Variants in MACF1 observed in about 807,000 individuals in gnomAD.
MACF1 encodes microtubule actin crosslinking factor 1.
Under a neutral mutation model 854.8 loss-of-function variants are expected in MACF1, and 193 were observed. The observed-to-expected ratio is 0.23, with a 90% confidence interval of 0.20 to 0.25. MACF1 has a LOEUF of 0.25. MACF1 is among the 10% of genes least tolerant of loss of function. The pLI, the probability that MACF1 is intolerant of heterozygous loss-of-function variation, is 1.00. For missense variants in MACF1, 7,722 were observed against 8,929.1 expected (o/e 0.86, Z 5.45); for synonymous variants, 3,185 against 3,226.7 (o/e 0.99, Z 0.44).
At chr1:39,096,820 G>A (rs1641949571) in intron 2 of MACF1, among the ~76,000 whole-genome samples, 2 of 150,992 alleles carry the variant, frequency 1.3e-5, no homozygotes, top group African/African-American at 4.9e-5. Flanking sequence ...GTCCATGTCT[G>A]AGGACTGGAA....
intron 71 of MACF1, 88 bp downstream of exon 71, chr1:39,438,096 T>A (rs1644019322): frequency 8.0e-7 from 1 of 1,257,526 alleles, no homozygotes. Context: ...ATTTATTTAT[T>A]TCTTTGAATG....
chr1:39,097,735 T>A (rs11578277), intron 2 of MACF1, among the ~76,000 whole-genome samples: 11,721 of 149,652 alleles, frequency 0.078, 533 homozygotes, highest in Non-Finnish European at 0.094. Flanking sequence ...AAAAAAGAAA[T>A]TCATCAAGGG....
At chr1:39,099,176 A>G (rs1169472798) in intron 2 of MACF1, among the ~76,000 whole-genome samples, 1 of 152,114 alleles carries the variant, frequency 6.6e-6, no homozygotes, top group Non-Finnish European at 1.5e-5. Flanking sequence ...TTTTTTTGAG[A>G]TGGAGTTTTG....
At chr1:39,125,772 G>A (rs977947894) in intron 2 of MACF1, among the ~76,000 whole-genome samples, 1 of 152,024 alleles carries the variant, frequency 6.6e-6, no homozygotes, top group Non-Finnish European at 1.5e-5. Flanking sequence ...TGGGCGGATC[G>A]CCTGAGGTCA....
chr1:39,393,865 G>T lies in MACF1; in HGVS notation c.15816+5207G>T, dbSNP rs144656212. ...AGGGAGGGAGAGAGAGAGAGAGAGA[G>T]AAAGAAAGAGAGAAAGAAAAGAAAG... On this transcript the variant is annotated intron_variant, in intron 58 of 100. Transcript: ENST00000564288. 5.4e-3 allele frequency among the ~76,000 whole-genome samples: 760 copies of T among 140,398 alleles called. 5 individuals carry two copies. Among genetic ancestry groups the T allele is most frequent in the African/African-American group, 0.021 (723 of 35,082 alleles). 92.1% of individuals were successfully genotyped at this position (140,398 alleles called of 152,430 possible).
At chr1:39,271,032 A>G (rs1004449710) in intron 6 of MACF1, among the ~76,000 whole-genome samples, 2 of 152,210 alleles carry the variant, frequency 1.3e-5, no homozygotes, top group African/African-American at 4.8e-5. Flanking sequence ...GCCTCATATA[A>G]ACATGGATAT....
chr1:39,347,004 A>G lies in MACF1; in HGVS notation c.10609A>G (p.Lys3537Glu). ...TTTGAAACAGCCCATGGCTGAAAGG[A>G]AAGCTCAGCTGGATGCTCTTGCTTT... The part of the protein sequence containing the change: ...EDLKQPMAER[K>E]AQLDALAFDI... The change falls in exon 41 of 101, where the codon AAA becomes GAA. Residue 3537 changes from lysine (K) to glutamate (E), a missense_variant. Around this residue, in one of 15 missense-constraint regions of MACF1, gnomAD observed 854 missense variants for 852.6 expected, o/e 1.00. Coordinates refer to ENST00000564288, the MANE Select transcript of MACF1 (RefSeq NM_001394062.1). The G allele has an allele frequency of 6.2e-7, 1 of 1,612,702 alleles. No individual in the cohort carries two copies.
chr1:39,459,000 TA>T, intron 90 of MACF1, 85 bp from the exon 91 acceptor site: 1 of 1,178,396 alleles, frequency 8.5e-7, no homozygotes. Context: ...GATATTATTA[TA>T]AAGATCTTCT....
intron 23 of MACF1, among the ~76,000 whole-genome samples, chr1:39,306,176 T>G (rs1009274515): frequency 1.3e-5 from 2 of 151,952 alleles, no homozygotes; most frequent in African/African-American, 2.4e-5. Context: ...TTTTTTTGGT[T>G]TGAGACGGAG....
At position 39,335,728 on chromosome 1, in the gene MACF1, A is replaced by C; in HGVS notation, c.9140A>C (p.Gln3047Pro). The C allele has an allele frequency of 6.2e-7, 1 of 1,613,916 alleles. No individual in the cohort carries two copies. The change falls in exon 37 of 101, where the codon CAA (glutamine) becomes CCA (proline). Residue 3047 changes from glutamine (Q) to proline (P), a missense_variant. By Grantham distance (76) the Gln-to-Pro change is moderately conservative. Coordinates refer to ENST00000564288, the MANE Select transcript of MACF1 (RefSeq NM_001394062.1). ...ITFKIEESSSQVVPQGISVKH... is the reference protein window; with the variant it reads ...ITFKIEESSSPVVPQGISVKH... ...TTTAAAATTGAAGAGTCCTCTTCCC[A>C]AGTGGTACCTCAAGGAATTTCTGTA...
At chr1:39,461,751 C>T in intron 92 of MACF1, 132 bp from the exon 93 acceptor site, 2 of 608,224 alleles carry the variant, frequency 3.3e-6, no homozygotes, top group Non-Finnish European at 5.5e-6. Flanking sequence ...GAGATTGCAC[C>T]ACTGCACTCC....
rs1228299463 is a variant in MACF1 at position 39,417,944 on chromosome 1, T to C, written c.15817-4430T>C. Among the ~76,000 whole-genome samples, 4 of 151,942 alleles carry C rather than the reference T, an allele frequency of 2.6e-5. No homozygotes were observed. In the East Asian group the frequency reaches 7.7e-4, roughly 29 times the overall value. On this transcript the variant is annotated intron_variant, in intron 58 of 100. Coordinates refer to ENST00000564288, the MANE Select transcript of MACF1 (RefSeq NM_001394062.1). ...GCTCCTGCAGTAAATAGAATTGACA[T>C]GGTCCTTGGCCTTGTGGAACTTATA...
chr1:39,384,617 T>C (rs1000975699), intron 56 of MACF1, among the ~76,000 whole-genome samples: 3 of 152,208 alleles, frequency 2.0e-5, no homozygotes, highest in African/African-American at 4.8e-5. Flanking sequence ...AAAAAAGCCA[T>C]AGTCATTGCC....
In MACF1 at chr1:39,332,259, C is replaced by T. The variant is rs746001759; in HGVS notation, c.5671C>T (p.Leu1891=). ...SNRQHIKALF[L]PATTEILSWK... ...CCGACAGCATATTAAGGCTCTGTTT[C>T]TACCAGCAACCACAGAGATTTTGTC... Residue 1891 remains leucine (L), a synonymous_variant, in exon 37 of 101, where the codon CTA becomes TTA. Coordinates refer to ENST00000564288, the MANE Select transcript of MACF1 (RefSeq NM_001394062.1). The T allele has an allele frequency of 6.8e-6, 11 of 1,613,938 alleles. 1 individual carries two copies. In the South Asian group the frequency reaches 8.8e-5, roughly 13 times the overall value.
chr1:39,425,659 G>A (rs1464949977), intron 61 of MACF1, among the ~76,000 whole-genome samples: 1 of 151,990 alleles, frequency 6.6e-6, no homozygotes, highest in East Asian at 1.9e-4. Context: ...CTAACCCTGT[G>A]TCTTATTTTA....
At chr1:39,295,222 C>T in intron 19 of MACF1, 72 bp downstream of exon 19, 3 of 1,250,440 alleles carry the variant, frequency 2.4e-6, no homozygotes, top group Non-Finnish European at 2.3e-6. Context: ...AAATTAGAGA[C>T]TTTGTTCCAC....
At chr1:39,167,247 C>G (rs1216422228) in intron 2 of MACF1, among the ~76,000 whole-genome samples, 2 of 149,140 alleles carry the variant, frequency 1.3e-5, no homozygotes, top group African/African-American at 4.9e-5. Flanking sequence ...CAGGCTTGAG[C>G]CACCGCACAC....
chr1:39,257,198 A>G (rs181854778), intron 5 of MACF1, among the ~76,000 whole-genome samples: 1 of 152,344 alleles, frequency 6.6e-6, no homozygotes, highest in African/African-American at 2.4e-5. Flanking sequence ...AGAGTAGCAT[A>G]TCTCTATAAT....
chr1:39,133,879 A>G (rs942476919), intron 2 of MACF1, among the ~76,000 whole-genome samples: 1 of 152,108 alleles, frequency 6.6e-6, no homozygotes, highest in African/African-American at 2.4e-5. Flanking sequence ...AAAAATTCTT[A>G]CAAAATAGGG....
Sources: allele counts gnomAD v4.1 joint callset (sites outside exome capture counted in the v4.1 genomes callset), GRCh38; gene constraint gnomAD v4.1.1; regional missense constraint gnomAD v4.1.1; transcripts MANE v1.5; gene names NCBI Gene and HGNC (gene_info 2026-07-23, HGNC 2026-07-21).